The following CRMP1 variants were observed in gnomAD, a reference collection of about 807,000 sequenced individuals.
CRMP1 encodes the protein dihydropyrimidinase-related protein 1.
CRMP1 carries 19 observed loss-of-function variants against 68.3 expected under a neutral mutation model. The observed-to-expected ratio is 0.28, with a 90% CI of 0.19 to 0.41. CRMP1 has a LOEUF of 0.41. Among genes scored for constraint, CRMP1 ranks in the 10% least tolerant of loss-of-function variants. The pLI, the probability that CRMP1 is intolerant of heterozygous loss-of-function variation, is 1.00. For missense variants in CRMP1, 791 were observed against 967.4 expected (o/e 0.82, Z 2.42); for synonymous variants, 439 against 399.6 (o/e 1.10, Z -1.18).
chr4:5,862,288 T>C (rs185836552), intron 2 of CRMP1, among the ~76,000 whole-genome samples: 66 of 147,636 alleles, frequency 4.5e-4, no homozygotes, highest in African/African-American at 1.7e-3. Flanking sequence ...GAATGTCCAC[T>C]GCCATTGCTT....
chr4:5,837,460 T>TAA (rs11455180), intron 9 of CRMP1, among the ~76,000 whole-genome samples: 5,165 of 124,958 alleles, frequency 0.041, 183 homozygotes, highest in African/African-American at 0.088. Flanking sequence ...TTGTCTCTAC[T>TAA]AAAAAAAAAA....
chr4:5,822,670 G>A (rs763117297), intron 13 of CRMP1, among the ~76,000 whole-genome samples: 5 of 152,202 alleles, frequency 3.3e-5, no homozygotes, highest in Non-Finnish European at 5.9e-5. Flanking sequence ...AATGCTGAAA[G>A]GTGGGAAGGA....
chr4:5,874,796 G>A (rs573438549), intron 1 of CRMP1, among the ~76,000 whole-genome samples: 1 of 152,180 alleles, frequency 6.6e-6, no homozygotes, highest in South Asian at 2.1e-4. Flanking sequence ...AGGGAGAAAA[G>A]AATACATGGA....
Position 5,854,174 on chromosome 4 carries a change from A to AAG in CRMP1, c.820+1967_820+1968dup, listed in dbSNP as rs765285799. ...ACATTAGGTAAGGAAAGTAAGATAC[A>AAG]AGACTGTCAATTTCCTTGGATTATG... On this transcript the variant is annotated intron_variant, in intron 4 of 13. Coordinates refer to ENST00000324989, the MANE Select transcript of CRMP1 (RefSeq NM_001014809.3). The surrounding 1 kb of genome is among the most constrained non-coding windows in gnomAD (Gnocchi z 4.0). 2.0e-5 allele frequency among the ~76,000 whole-genome samples: 3 copies of AAG among 152,224 alleles called. No homozygotes were observed. The highest frequency in any genetic ancestry group is 4.4e-5 in the Non-Finnish European group (3 of 68,034).
At chr4:5,887,160 A>G (rs1427974612) in intron 1 of CRMP1, among the ~76,000 whole-genome samples, 2 of 152,090 alleles carry the variant, frequency 1.3e-5, no homozygotes, top group Non-Finnish European at 2.9e-5. Context: ...CACCATTTAA[A>G]GAAACAGGCC....
At chr4:5,822,969 ACCTAC>A (rs1718912026) in intron 13 of CRMP1, among the ~76,000 whole-genome samples, 1 of 152,156 alleles carries the variant, frequency 6.6e-6, no homozygotes, top group Non-Finnish European at 1.5e-5. Context: ...TTTCTTGCTG[ACCTAC>A]CCACTGTACC....
At chr4:5,871,658 C>T (rs1293388328) in intron 1 of CRMP1, among the ~76,000 whole-genome samples, 1 of 151,896 alleles carries the variant, frequency 6.6e-6, no homozygotes, top group Non-Finnish European at 1.5e-5. Flanking sequence ...AGATTCCCCG[C>T]TCCCCGCCCA....
At position 5,828,798 on chromosome 4, in the gene CRMP1, TTTTA is replaced by T. The variant is rs569382913; in HGVS notation, c.1624-134_1624-131del. ...GTTTTTTTTTCTCTCTAAAAATACCTTTTATTGACTGTAATATTCCACTGTATGG... is the reference window on the plus strand; with the variant it reads ...GTTTTTTTTTCTCTCTAAAAATACCTTTGACTGTAATATTCCACTGTATGG... On this transcript the variant is annotated intron_variant, in intron 11 of 13. Coordinates refer to ENST00000324989, the MANE Select transcript of CRMP1 (RefSeq NM_001014809.3). 3.2e-5 allele frequency: 36 copies of T among 1,117,080 alleles called. No homozygotes were observed. The South Asian group carries it at 5.7e-4, about 18-fold the overall frequency. 69.2% of individuals were successfully genotyped at this position (1,117,080 alleles called of 1,614,324 possible). A position where few individuals can be genotyped will look rare whatever the true frequency, so the allele number is the denominator to read the frequency against.
chr4:5,868,245 C>A (rs953179002), intron 1 of CRMP1, among the ~76,000 whole-genome samples: 7 of 134,114 alleles, frequency 5.2e-5, no homozygotes, highest in Non-Finnish European at 7.8e-5. Context: ...GCCGCACATT[C>A]TTCATGACTA....
chr4:5,852,996 G>A (rs1222767815), intron 4 of CRMP1, among the ~76,000 whole-genome samples: 2 of 152,130 alleles, frequency 1.3e-5, no homozygotes, highest in East Asian at 3.8e-4. Flanking sequence ...CTGGGGCTCT[G>A]GGCCCCAGGA....
At position 5,856,131 on chromosome 4, in the gene CRMP1, G is replaced by T; in HGVS notation, c.820+12C>A. On this transcript the variant is annotated intron_variant, in intron 4 of 13. Transcript: ENST00000324989. ...GGATTCCCCAAAACCCCGTTCCGAG[G>T]CTTTAACTGACCTTTGTCCTGCACC... 6.2e-7 allele frequency: 1 copy of T among 1,613,480 alleles called. No individual in the cohort carries two copies. The highest frequency in any genetic ancestry group is 8.5e-7 in the Non-Finnish European group (1 of 1,179,724).
intron 11 of CRMP1, 103 bp from the exon 12 acceptor site, chr4:5,828,771 A>G (rs949102435): frequency 3.1e-5 from 42 of 1,356,634 alleles, no homozygotes; most frequent in Middle Eastern, 1.9e-4. Flanking sequence ...GCGTGTTCCA[A>G]TGTTTTTTTT....
rs1343018966 is a variant in CRMP1, at chr4:5,890,207, C to T, written c.381+2382G>A. 2.4e-5 allele frequency: 4 copies of T among 165,330 alleles called. No individual in the cohort carries two copies. Among genetic ancestry groups the T allele is most frequent in the Admixed American group, 2.3e-4 (4 of 17,566 alleles). 10.2% of individuals were successfully genotyped at this position (165,330 alleles called of 1,614,324 possible). ...CCCGTACCAGGGCGTTCCCTGGGGT[C>T]AGTCTGGAGATCTGAGCAGAAAGCC... is the stretch of plus-strand genomic sequence containing the variant. On this transcript the variant is annotated intron_variant, in intron 1 of 13. Transcript: ENST00000324989. This position sits in a 1 kb window ranked among gnomAD's most constrained non-coding sequence, Gnocchi z 5.5.
At chr4:5,837,031 G>A (rs1360889124) in intron 9 of CRMP1, 125 bp from the exon 10 acceptor site, 10 of 1,107,548 alleles carry the variant, frequency 9.0e-6, no homozygotes, top group Non-Finnish European at 8.9e-6. Context: ...CAGTGGGTAA[G>A]AGAGACTCTC....
At chr4:5,886,866 C>T (rs1715630007) in intron 1 of CRMP1, among the ~76,000 whole-genome samples, 2 of 152,254 alleles carry the variant, frequency 1.3e-5, no homozygotes, top group Admixed American at 6.5e-5. Flanking sequence ...GAATGGGCCG[C>T]TTACACCTCT....
intron 1 of CRMP1, among the ~76,000 whole-genome samples, chr4:5,868,257 A>ATATCTATATATAGATATATC (rs1714137342): frequency 1.2e-5 from 1 of 82,366 alleles, no homozygotes; most frequent in African/African-American, 3.8e-5. Context: ...TCATGACTAT[A>ATATCTATATATAGATATATC]TATCTATATA....
chr4:5,844,246 C>G (rs1263026192), intron 6 of CRMP1, among the ~76,000 whole-genome samples: 1 of 151,630 alleles, frequency 6.6e-6, no homozygotes, highest in Non-Finnish European at 1.5e-5. Flanking sequence ...GTTTACAAAG[C>G]ATTTTTAGAA....
At position 5,832,596 on chromosome 4, in the gene CRMP1, A is replaced by G. The variant is rs543966050; in HGVS notation, c.1623+3319T>C. 3.9e-5 allele frequency among the ~76,000 whole-genome samples: 6 copies of G among 152,364 alleles called. No individual in the cohort carries two copies. The South Asian group carries it at 8.3e-4, about 21-fold the overall frequency. The stretch of plus-strand genomic sequence containing the variant: ...CAATCCATGTTCTGAAAAAATTGCA[A>G]TTATGTGGATGGCATTGCTTTGGAC... On this transcript the variant is annotated intron_variant, in intron 11 of 13. Coordinates refer to ENST00000324989, the MANE Select transcript of CRMP1 (RefSeq NM_001014809.3).
rs557089596 is a variant in CRMP1, at chr4:5,884,503, G to C, written c.381+8086C>G. ...GCATGCACACACACACACGGGCAGT[G>C]GTTTTCCTAGCACGCAGACCAGCCC... On this transcript the variant is annotated intron_variant, in intron 1 of 13. Coordinates refer to ENST00000324989, the MANE Select transcript of CRMP1 (RefSeq NM_001014809.3). 1.3e-3 allele frequency among the ~76,000 whole-genome samples: 127 copies of C among 95,292 alleles called. 3 individuals carry two copies. Among genetic ancestry groups the C allele is most frequent in the Non-Finnish European group, 1.9e-4 (8 of 42,174 alleles). 62.5% of individuals were successfully genotyped at this position (95,292 alleles called of 152,430 possible).
Sources: gnomAD v4.1 joint callset for allele counts (sites outside exome capture counted in the v4.1 genomes callset) on GRCh38, gnomAD v4.1.1 for gene constraint, Gnocchi (gnomAD v3.1) non-coding constraint, MANE v1.5 for transcripts, NCBI Gene and HGNC (gene_info 2026-07-23, HGNC 2026-07-21) for gene names.